The following GABRG2 variants were observed in gnomAD, a reference collection of about 807,000 sequenced individuals.
The protein encoded by GABRG2 is gamma-aminobutyric acid receptor subunit gamma-2.
GABRG2 carries 16 observed loss-of-function variants against 56.4 expected under a neutral mutation model. The ratio of observed to expected loss-of-function variants is 0.28; its 90% CI spans 0.19 to 0.43. The LOEUF (loss-of-function observed/expected upper bound fraction) is 0.43, where lower values mean the gene tolerates loss of function less well. Among genes scored for constraint, GABRG2 ranks in the 20% least tolerant of loss-of-function variants. The pLI is 1.00. For synonymous variants in GABRG2, 208 were observed against 205.5 expected (o/e 1.01, Z -0.10); for missense variants, 327 against 582.7 (o/e 0.56, Z 4.52).
intron 1 of GABRG2, among the ~76,000 whole-genome samples, chr5:162,069,710 G>T (rs948089119): frequency 2.0e-5 from 3 of 152,156 alleles, no homozygotes; most frequent in African/African-American, 7.2e-5. Flanking sequence ...CTCAGAATAT[G>T]AGAGGGCCTT....
At position 162,067,781 on chromosome 5, in the gene GABRG2, G is replaced by A. The variant is rs539867682; in HGVS notation, c.-219G>A. 1 of 611,304 alleles carries A rather than the reference G, an allele frequency of 1.6e-6. No individual in the cohort carries two copies. The highest frequency in any genetic ancestry group is 2.9e-5 in the Admixed American group (1 of 34,294). The allele number at this position is 611,304 out of a possible 1,614,324, so 37.9% of individuals were successfully genotyped here. ...CAGACTTGGAAGCCGCTGCCAGAGTGACGCTTTGATGGTATCTGCAAGCGT... is the reference window on the plus strand; with the variant it reads ...CAGACTTGGAAGCCGCTGCCAGAGTAACGCTTTGATGGTATCTGCAAGCGT... On this transcript the variant is annotated 5_prime_UTR_variant, in exon 1 of 10. Transcript: ENST00000639213.
At chr5:162,102,426 T>C in intron 5 of GABRG2, 1 of 440,684 alleles carries the variant, frequency 2.3e-6, no homozygotes, top group Non-Finnish European at 4.5e-6. Flanking sequence ...AAAATGATCC[T>C]CTGAACCCAA....
At position 162,154,261 on chromosome 5, in the gene GABRG2, T is replaced by C. The variant is rs1765572244; in HGVS notation, c.*893T>C. The C allele has an allele frequency of 6.6e-6, 1 of 152,188 alleles. No homozygotes were observed. The highest frequency in any genetic ancestry group is 1.5e-5 in the Non-Finnish European group (1 of 68,032). The allele number at this position is 152,188 out of a possible 1,614,324, so 9.4% of individuals were successfully genotyped here. On this transcript the variant is annotated 3_prime_UTR_variant, in exon 10 of 10. Transcript: ENST00000639213. ...TGCTTGCCGCTATTTTTTTCTTCCTTTTAGGATGATAGATCATAACAGAAC... is the reference window on the plus strand; with the variant it reads ...TGCTTGCCGCTATTTTTTTCTTCCTCTTAGGATGATAGATCATAACAGAAC...
intron 6 of GABRG2, among the ~76,000 whole-genome samples, chr5:162,114,644 G>A (rs1463707117): frequency 1.3e-5 from 2 of 152,068 alleles, no homozygotes; most frequent in Admixed American, 6.6e-5. Flanking sequence ...ACCAAAGTTT[G>A]CCTGAAAATA....
At chr5:162,125,806 A>G (rs1001374247) in intron 6 of GABRG2, among the ~76,000 whole-genome samples, 2 of 151,934 alleles carry the variant, frequency 1.3e-5, no homozygotes, top group African/African-American at 2.4e-5. Context: ...AGGGAAGGTT[A>G]TAAGGTCATA....
rs376576632 is a variant in GABRG2, at chr5:162,068,117, C to A, written c.107+11C>A. On this transcript the variant is annotated intron_variant, in intron 1 of 9. Coordinates refer to ENST00000639213, the MANE Select transcript of GABRG2 (RefSeq NM_198904.4). Reference sequence around the variant, plus strand: ...GTCGCTCTACCCTGGGTAAGATGTGCCCTTTTTGGCGTCGTTTTGTTCTGA... The same window carrying A: ...GTCGCTCTACCCTGGGTAAGATGTGACCTTTTTGGCGTCGTTTTGTTCTGA... 7 of 1,597,220 alleles carry A rather than the reference C, an allele frequency of 4.4e-6. No homozygotes were observed. In the African/African-American group the frequency reaches 9.4e-5, roughly 22 times the overall value.
intron 6 of GABRG2, among the ~76,000 whole-genome samples, chr5:162,119,159 A>G (rs965386150): frequency 1.3e-5 from 2 of 152,084 alleles, no homozygotes; most frequent in Admixed American, 1.3e-4. Context: ...TATTTAAGAG[A>G]ATTATCCTTT....
intron 1 of GABRG2, among the ~76,000 whole-genome samples, chr5:162,070,038 T>G (rs1561633025): frequency 6.6e-6 from 1 of 152,146 alleles, no homozygotes. Context: ...TATTTTAACC[T>G]AAACATGTTT....
At chr5:162,070,478 T>C (rs905687747) in intron 1 of GABRG2, among the ~76,000 whole-genome samples, 16 of 152,106 alleles carry the variant, frequency 1.1e-4, no homozygotes, top group African/African-American at 3.6e-4. Flanking sequence ...GTGGTACTTA[T>C]GAAATAATAC....
intron 6 of GABRG2, among the ~76,000 whole-genome samples, chr5:162,114,800 T>G (rs1762501118): frequency 6.6e-6 from 1 of 152,212 alleles, no homozygotes; most frequent in Non-Finnish European, 1.5e-5. Context: ...TCCACTTTCA[T>G]GGAAGATGGA....
chr5:162,105,943 T>C (rs1233627665), intron 6 of GABRG2, among the ~76,000 whole-genome samples: 2 of 152,130 alleles, frequency 1.3e-5, no homozygotes, highest in Non-Finnish European at 2.9e-5. Flanking sequence ...TCCAGCACTC[T>C]AAAACAGAAC....
intron 6 of GABRG2, among the ~76,000 whole-genome samples, chr5:162,118,481 T>C (rs1400165966): frequency 1.3e-5 from 2 of 152,078 alleles, no homozygotes; most frequent in Non-Finnish European, 2.9e-5. Context: ...AAAGGAAAAC[T>C]CTGGGTATAA....
intron 3 of GABRG2, 65 bp from the exon 4 acceptor site, chr5:162,097,573 T>G: frequency 8.4e-7 from 1 of 1,197,468 alleles, no homozygotes; most frequent in Non-Finnish European, 1.2e-6. Context: ...GAATGAAATA[T>G]ACCAATATTT....
intron 6 of GABRG2, among the ~76,000 whole-genome samples, chr5:162,138,122 T>C (rs976360708): frequency 1.3e-5 from 2 of 152,056 alleles, no homozygotes; most frequent in African/African-American, 4.8e-5. Flanking sequence ...TTTTTTCCTT[T>C]ATGCCTTTTA....
intron 6 of GABRG2, among the ~76,000 whole-genome samples, chr5:162,108,485 C>T (rs1254545680): frequency 6.6e-6 from 1 of 152,086 alleles, no homozygotes; most frequent in Non-Finnish European, 1.5e-5. Flanking sequence ...GCATCACTAC[C>T]ATCTCATCTC....
At chr5:162,095,949 G>A (rs211017) in intron 3 of GABRG2, among the ~76,000 whole-genome samples, 21,224 of 151,878 alleles carry the variant, frequency 0.14, 1,948 homozygotes, top group Non-Finnish European at 0.21. Flanking sequence ...AATAATAAAT[G>A]TAATTCTGTT....
intron 1 of GABRG2, among the ~76,000 whole-genome samples, chr5:162,072,571 C>A (rs1758759163): frequency 6.6e-6 from 1 of 152,022 alleles, no homozygotes; most frequent in African/African-American, 2.4e-5. Context: ...CGTCTTTCTG[C>A]TGCCAGGGGA....
chr5:162,124,613 G>T lies in GABRG2; in HGVS notation c.770-17551G>T, dbSNP rs533381447. Among the ~76,000 whole-genome samples the T allele has an allele frequency of 2.3e-3, 343 of 151,816 alleles. 2 individuals carry two copies. The highest frequency in any genetic ancestry group is 8.0e-3 in the African/African-American group (330 of 41,476). On this transcript the variant is annotated intron_variant, in intron 6 of 9. Coordinates refer to ENST00000639213, the MANE Select transcript of GABRG2 (RefSeq NM_198904.4). ...AGGGTGGAGTTAAAGGACAGAGAGA[G>T]GCTGGTAGTGTTATTCTAATGAAGT...
chr5:162,095,892 T>C (rs965723755), intron 3 of GABRG2, among the ~76,000 whole-genome samples: 1 of 152,046 alleles, frequency 6.6e-6, no homozygotes, highest in Non-Finnish European at 1.5e-5. Flanking sequence ...ATTGATAGTT[T>C]GGTTCAAATC....
Sources: allele counts gnomAD v4.1 joint callset (sites outside exome capture counted in the v4.1 genomes callset), GRCh38; gene constraint gnomAD v4.1.1; transcripts MANE v1.5; gene names NCBI Gene and HGNC (gene_info 2026-07-23, HGNC 2026-07-21).